FER1L6: variants seen among roughly 807,000 people sequenced by gnomAD.
FER1L6 encodes the protein fer-1 like family member 6, also known as fer-1-like protein 6.
Under a neutral mutation model 219.2 loss-of-function variants are expected in FER1L6, and 177 were observed. That is an observed-to-expected ratio of 0.81 (90% CI 0.71 to 0.91). The LOEUF (loss-of-function observed/expected upper bound fraction) is 0.91, where lower values mean the gene tolerates loss of function less well. Among genes scored for constraint, FER1L6 ranks in the 40% least tolerant of loss-of-function variants. The pLI is 0.00. For missense variants in FER1L6, 2,153 were observed against 2,259.9 expected (o/e 0.95, Z 0.96); for synonymous variants, 768 against 824.3 (o/e 0.93, Z 1.17).
chr8:124,066,363 A>C (rs1185794394), intron 26 of FER1L6, 65 bp from the exon 27 acceptor site: 1 of 1,571,280 alleles, frequency 6.4e-7, no homozygotes, highest in Admixed American at 1.8e-5. Flanking sequence ...CTCACAAGCC[A>C]GTTGACCATC....
intron 35 of FER1L6, 144 bp downstream of exon 35, chr8:124,095,182 T>A (rs1298866018): frequency 9.0e-7 from 1 of 1,114,816 alleles, no homozygotes; most frequent in East Asian, 2.6e-5. Flanking sequence ...GTAGGTGGGG[T>A]TGCTACTGGC....
chr8:123,952,755 G>C (rs747793642), intron 1 of FER1L6, among the ~76,000 whole-genome samples: 8 of 152,154 alleles, frequency 5.3e-5, no homozygotes, highest in Non-Finnish European at 8.8e-5. Context: ...GTGGTATGCT[G>C]TGGGGATCCT....
At chr8:124,062,161 T>G in intron 25 of FER1L6, 129 bp downstream of exon 25, 1 of 954,674 alleles carries the variant, frequency 1.0e-6, no homozygotes, top group South Asian at 1.6e-5. Context: ...TCTGATGAGC[T>G]TGCTCCTGCA....
chr8:124,015,950 C>G (rs1344087679), intron 15 of FER1L6: 3 of 152,648 alleles, frequency 2.0e-5, no homozygotes, highest in Non-Finnish European at 4.4e-5. Context: ...GCTTCTCCCT[C>G]CATCTCACCC....
intron 39 of FER1L6, among the ~76,000 whole-genome samples, chr8:124,113,696 A>T (rs1014525678): frequency 9.2e-5 from 14 of 152,202 alleles, no homozygotes; most frequent in African/African-American, 3.4e-4. Flanking sequence ...CATGTTGACT[A>T]TTTGATGAGA....
chr8:124,003,486 C>T (rs1178506028), intron 13 of FER1L6, 139 bp downstream of exon 13: 36 of 541,532 alleles, frequency 6.6e-5, no homozygotes, highest in Non-Finnish European at 8.8e-5. Context: ...TTTTTTGAGA[C>T]GGAGTCTTGC....
At chr8:124,086,189 T>A (rs922630193) in intron 33 of FER1L6, among the ~76,000 whole-genome samples, 12 of 152,232 alleles carry the variant, frequency 7.9e-5, no homozygotes, top group African/African-American at 2.6e-4. Flanking sequence ...TTGGAGAGGT[T>A]AGTCCGTTTA....
In FER1L6 at chr8:124,067,813, A is replaced by G. The variant is rs1820889354; in HGVS notation, c.3718+7A>G. 1 of 1,611,912 alleles carries G rather than the reference A, an allele frequency of 6.2e-7. No homozygotes were observed. The highest frequency in any genetic ancestry group is 8.5e-7 in the Non-Finnish European group (1 of 1,178,008). ...GGAAAAAAAGGCAATACAGGTAAGC[A>G]GTTATTCTGGGGACATTTGTCCATA... On this transcript the variant is annotated splice_region_variant and intron_variant, in intron 28 of 40. Coordinates refer to ENST00000522917, the MANE Select transcript of FER1L6 (RefSeq NM_001039112.2).
At chr8:124,008,006 T>C (rs1300200968) in intron 13 of FER1L6, among the ~76,000 whole-genome samples, 2 of 152,236 alleles carry the variant, frequency 1.3e-5, no homozygotes, top group Non-Finnish European at 2.9e-5. Context: ...GTAAATTCTT[T>C]AGTAGTGACT....
At chr8:123,861,836 G>C (rs2130255317) in intron 1 of FER1L6, among the ~76,000 whole-genome samples, 1 of 141,994 alleles carries the variant, frequency 7.0e-6, no homozygotes, top group East Asian at 2.1e-4. Context: ...TTTGTATCCT[G>C]AGACTTTGCT....
chr8:124,056,248 G>A (rs1820290062), intron 22 of FER1L6, among the ~76,000 whole-genome samples: 1 of 152,136 alleles, frequency 6.6e-6, no homozygotes, highest in Non-Finnish European at 1.5e-5. Context: ...AAATATCTCA[G>A]CCTACCTACA....
chr8:123,935,947 C>CAA (rs35857676), intron 1 of FER1L6, among the ~76,000 whole-genome samples: 2,962 of 143,144 alleles, frequency 0.021, 54 homozygotes, highest in African/African-American at 0.044. Context: ...CTGGCTAATG[C>CAA]AAAAAAAAAA....
chr8:124,049,568 A>C (rs1196343900), intron 21 of FER1L6, 39 bp from the exon 22 acceptor site: 1 of 1,610,044 alleles, frequency 6.2e-7, no homozygotes, highest in Non-Finnish European at 8.5e-7. Context: ...CAGGTAATTA[A>C]TGATCAGGAA....
At chr8:124,012,954 A>G (rs1818010927) in intron 14 of FER1L6, among the ~76,000 whole-genome samples, 1 of 152,242 alleles carries the variant, frequency 6.6e-6, no homozygotes, top group Admixed American at 6.5e-5. Context: ...AATCTGTCCC[A>G]TTATCTGGCC....
At chr8:124,003,565 G>A (rs1488762789) in intron 13 of FER1L6, among the ~76,000 whole-genome samples, 1 of 145,344 alleles carries the variant, frequency 6.9e-6, no homozygotes, top group Non-Finnish European at 1.5e-5. Flanking sequence ...TGCCTCGTGG[G>A]TTCAATGATT....
chr8:123,872,943 G>A (rs1329341294), intron 1 of FER1L6, among the ~76,000 whole-genome samples: 1 of 152,154 alleles, frequency 6.6e-6, no homozygotes, highest in Non-Finnish European at 1.5e-5. Context: ...GCTATATGTT[G>A]GACATGATGT....
chr8:124,019,545 G>C (rs973949172), intron 16 of FER1L6, among the ~76,000 whole-genome samples: 1 of 152,170 alleles, frequency 6.6e-6, no homozygotes, highest in African/African-American at 2.4e-5. Context: ...CATTAGCAGA[G>C]GCTTCCTATG....
chr8:123,987,529 T>G (rs992644293), intron 12 of FER1L6, among the ~76,000 whole-genome samples: 2 of 152,234 alleles, frequency 1.3e-5, no homozygotes, highest in Non-Finnish European at 2.9e-5. Context: ...TAACTCGATG[T>G]GATCCCATTT....
rs72714675 is a variant in FER1L6, at chr8:123,990,924, C to T, written c.1519+4748C>T. ...ATACAGATCCAGTTTTATTCTTCTA[C>T]GTGTGGCTATCCAGTTTTCCTAGCA... On this transcript the variant is annotated intron_variant, in intron 12 of 40. Coordinates refer to ENST00000522917, the MANE Select transcript of FER1L6 (RefSeq NM_001039112.2). 9.9e-5 allele frequency among the ~76,000 whole-genome samples: 15 copies of T among 152,276 alleles called. No individual in the cohort carries two copies. The East Asian group carries it at 1.3e-3, about 14-fold the overall frequency.
Sources: allele counts gnomAD v4.1 joint callset (sites outside exome capture counted in the v4.1 genomes callset), GRCh38; gene constraint gnomAD v4.1.1; transcripts MANE v1.5; gene names NCBI Gene and HGNC (gene_info 2026-07-23, HGNC 2026-07-21).